GABRG2: variants seen among roughly 807,000 people sequenced by gnomAD.
GABRG2 encodes gamma-aminobutyric acid receptor subunit gamma-2.
Under a neutral mutation model 56.4 loss-of-function variants are expected in GABRG2, and 16 were observed. The ratio of observed to expected loss-of-function variants is 0.28; its 90% CI spans 0.19 to 0.43. The LOEUF is 0.43. Ranked by LOEUF, GABRG2 falls within the 20% of genes least tolerant of loss-of-function variation. The pLI is 1.00. For synonymous variants in GABRG2, 208 were observed against 205.5 expected (o/e 1.01, Z -0.10); for missense variants, 327 against 582.7 (o/e 0.56, Z 4.52).
intron 6 of GABRG2, among the ~76,000 whole-genome samples, chr5:162,120,557 T>G (rs1037370247): frequency 6.6e-6 from 1 of 152,090 alleles, no homozygotes; most frequent in Non-Finnish European, 1.5e-5. Flanking sequence ...AGATGTAGAC[T>G]TGGGAGGATT....
chr5:162,077,814 C>T (rs1034026502), intron 1 of GABRG2, among the ~76,000 whole-genome samples: 2 of 152,084 alleles, frequency 1.3e-5, no homozygotes, highest in African/African-American at 4.8e-5. Flanking sequence ...AGAAAATCAA[C>T]TTTCATGCTC....
chr5:162,088,164 C>T (rs796627975), intron 1 of GABRG2, among the ~76,000 whole-genome samples: 9 of 152,180 alleles, frequency 5.9e-5, no homozygotes, highest in African/African-American at 2.2e-4. Context: ...ACTAGCGCCC[C>T]AATGGCCCCA....
intron 7 of GABRG2, chr5:162,142,707 C>T: frequency 9.1e-6 from 3 of 330,630 alleles, no homozygotes; most frequent in Non-Finnish European, 1.8e-5. Flanking sequence ...AATGAGAACA[C>T]ATGCACATAG....
chr5:162,123,332 A>G (rs1763101091), intron 6 of GABRG2, among the ~76,000 whole-genome samples: 1 of 151,628 alleles, frequency 6.6e-6, no homozygotes, highest in South Asian at 2.1e-4. Flanking sequence ...AATCATCTTT[A>G]TTGGACTCTA....
chr5:162,088,447 T>A (rs1760302596), intron 1 of GABRG2, among the ~76,000 whole-genome samples: 1 of 152,176 alleles, frequency 6.6e-6, no homozygotes, highest in Non-Finnish European at 1.5e-5. Flanking sequence ...AGGCAGATGA[T>A]CACATCCATT....
chr5:162,072,075 A>G (rs772372228), intron 1 of GABRG2, among the ~76,000 whole-genome samples: 3 of 151,988 alleles, frequency 2.0e-5, no homozygotes, highest in Non-Finnish European at 4.4e-5. Flanking sequence ...TGTCTCTTTC[A>G]CGTCCTAGAT....
intron 1 of GABRG2, among the ~76,000 whole-genome samples, chr5:162,071,371 C>T (rs143433017): frequency 6.6e-6 from 1 of 151,054 alleles, no homozygotes; most frequent in African/African-American, 2.4e-5. Context: ...TAGAATAAAA[C>T]AAGATTTTGT....
chr5:162,094,292 T>C (rs975517741), intron 2 of GABRG2: 12 of 364,670 alleles, frequency 3.3e-5, no homozygotes, highest in African/African-American at 2.5e-4. Context: ...CATAAACAAA[T>C]CAAACAAGAC....
chr5:162,137,167 C>T lies in GABRG2; in HGVS notation c.770-4997C>T, dbSNP rs569465966. ...TTAAGCTCAGGGATTGGGATTCTGC[C>T]GAAAGACTGAGTATTCTACCTAGAC... On this transcript the variant is annotated intron_variant, in intron 6 of 9. Coordinates refer to ENST00000639213, the MANE Select transcript of GABRG2 (RefSeq NM_198904.4). Among the ~76,000 whole-genome samples, 144 of 152,120 alleles carry T rather than the reference C, an allele frequency of 9.5e-4. 1 individual carries two copies. The highest frequency in any genetic ancestry group is 3.4e-3 in the African/African-American group (139 of 41,488).
chr5:162,074,774 A>G (rs979142731), intron 1 of GABRG2, among the ~76,000 whole-genome samples: 2 of 152,150 alleles, frequency 1.3e-5, no homozygotes, highest in African/African-American at 4.8e-5. Context: ...ATATCATTTG[A>G]GCCAATTCTG....
intron 1 of GABRG2, among the ~76,000 whole-genome samples, chr5:162,072,720 C>T (rs763666623): frequency 6.6e-6 from 1 of 151,930 alleles, no homozygotes; most frequent in Non-Finnish European, 1.5e-5. Context: ...CATACACAGA[C>T]ACAATCCTGT....
At chr5:162,080,078 C>G (rs1381399499) in intron 1 of GABRG2, among the ~76,000 whole-genome samples, 1 of 152,126 alleles carries the variant, frequency 6.6e-6, no homozygotes, top group Non-Finnish European at 1.5e-5. Context: ...AATATAAATG[C>G]AAGGTGGACA....
intron 6 of GABRG2, among the ~76,000 whole-genome samples, chr5:162,127,337 A>C (rs1763406552): frequency 6.6e-6 from 1 of 151,950 alleles, no homozygotes. Context: ...CTAGAAAAAA[A>C]CTAAGATCAT....
At chr5:162,142,806 G>T (rs912841678) in intron 7 of GABRG2, 4 of 242,728 alleles carry the variant, frequency 1.6e-5, no homozygotes, top group Non-Finnish European at 2.5e-5. Context: ...GTTAAATGAC[G>T]AGTTAATGGG....
At chr5:162,124,713 T>A (rs1456738925) in intron 6 of GABRG2, among the ~76,000 whole-genome samples, 6 of 151,748 alleles carry the variant, frequency 4.0e-5, no homozygotes, top group African/African-American at 1.5e-4. Context: ...AAAATCTGCA[T>A]TTAGAATCTC....
chr5:162,122,082 G>C (rs937025332), intron 6 of GABRG2, among the ~76,000 whole-genome samples: 2 of 151,952 alleles, frequency 1.3e-5, no homozygotes, highest in Admixed American at 1.3e-4. Flanking sequence ...AAGAAAATTT[G>C]TGAAATTGGA....
chr5:162,101,090 G>T, intron 4 of GABRG2, 145 bp from the exon 5 acceptor site: 1 of 677,200 alleles, frequency 1.5e-6, no homozygotes, highest in Non-Finnish European at 2.6e-6. Flanking sequence ...TCCTGGACTT[G>T]GTGGATTTCT....
chr5:162,080,635 T>A (rs1278105139), intron 1 of GABRG2, among the ~76,000 whole-genome samples: 1 of 152,176 alleles, frequency 6.6e-6, no homozygotes, highest in Admixed American at 6.6e-5. Context: ...AGACTTCATA[T>A]ACTAATACCA....
rs1760802213 is a variant in GABRG2, at chr5:162,093,901, G to C, written c.181G>C (p.Val61Leu). 6.2e-7 allele frequency: 1 copy of C among 1,613,170 alleles called. No individual in the cohort carries two copies. The highest frequency in any genetic ancestry group is 2.2e-5 in the East Asian group (1 of 44,814). ...CAAAACATGGGTCTTGACTCCAAAA[G>C]TTCCTGAGGGTGATGTCACTGTCAT... ...SNKTWVLTPK[V>L]PEGDVTVILN... Residue 61 changes from valine to leucine, a missense_variant, in exon 2 of 10, where the codon GTT (valine) becomes CTT (leucine). By Grantham distance (32) the Val-to-Leu change is conservative (BLOSUM62 1). Coordinates refer to ENST00000639213, the MANE Select transcript of GABRG2 (RefSeq NM_198904.4).
Sources: allele counts gnomAD v4.1 joint callset (sites outside exome capture counted in the v4.1 genomes callset), GRCh38; gene constraint gnomAD v4.1.1; transcripts MANE v1.5; gene names NCBI Gene and HGNC (gene_info 2026-07-23, HGNC 2026-07-21).